KIRREL3: variants seen among roughly 807,000 people sequenced by gnomAD.
KIRREL3 encodes kirre like nephrin family adhesion molecule 3.
A neutral mutation model predicts 89.7 loss-of-function variants in KIRREL3; 36 were observed. That is an observed-to-expected ratio of 0.40 (90% CI 0.31 to 0.53). The LOEUF is 0.53. Among genes scored for constraint, KIRREL3 ranks in the 20% least tolerant of loss-of-function variants. The pLI is 0.49. For missense variants in KIRREL3, 864 were observed against 1,056.6 expected (o/e 0.82, Z 2.53); for synonymous variants, 445 against 441.4 (o/e 1.01, Z -0.10).
rs1950844299 is a variant in KIRREL3 at position 126,797,325 on chromosome 11, C to T, written c.55+203130G>A. ...CATTGTTTCAAAGAGCTGTGTTGAG[C>T]ATCAAATGCATCTGATTCTCAGCGT... On this transcript the variant is annotated intron_variant, in intron 1 of 16. Coordinates refer to ENST00000525144, the MANE Select transcript of KIRREL3 (RefSeq NM_032531.4). This position sits in a 1 kb window ranked among gnomAD's most constrained non-coding sequence, Gnocchi z 4.9. Among the ~76,000 whole-genome samples, 1 of 152,208 alleles carries T rather than the reference C, an allele frequency of 6.6e-6. No individual in the cohort carries two copies. The highest frequency in any genetic ancestry group is 1.5e-5 in the Non-Finnish European group (1 of 68,036).
intron 1 of KIRREL3, among the ~76,000 whole-genome samples, chr11:126,927,108 C>A (rs1160898169): frequency 6.6e-6 from 1 of 152,206 alleles, no homozygotes; most frequent in East Asian, 1.9e-4. Flanking sequence ...CCAAATTAGC[C>A]TCTGGAATCA....
At chr11:126,842,844 C>A (rs916033706) in intron 1 of KIRREL3, among the ~76,000 whole-genome samples, 3 of 152,196 alleles carry the variant, frequency 2.0e-5, no homozygotes, top group Non-Finnish European at 4.4e-5. Context: ...GAACACTGGG[C>A]CGACCATGAG....
chr11:126,772,970 A>T lies in KIRREL3; in HGVS notation c.56-210058T>A, dbSNP rs966104003. 2.6e-5 allele frequency among the ~76,000 whole-genome samples: 4 copies of T among 152,192 alleles called. No homozygotes were observed. The highest frequency in any genetic ancestry group is 9.7e-5 in the African/African-American group (4 of 41,440). On this transcript the variant is annotated intron_variant, in intron 1 of 16. Transcript: ENST00000525144. This position sits in a 1 kb window ranked among gnomAD's most constrained non-coding sequence, Gnocchi z 4.6. ...CATGTGGACTAAGGTAGGGGTGAGC[A>T]AGCTATGGAAACATTTAGTGACATC...
chr11:126,978,583 G>A lies in KIRREL3; in HGVS notation c.55+21872C>T, dbSNP rs568181286. Among the ~76,000 whole-genome samples, 10 of 152,226 alleles carry A rather than the reference G, an allele frequency of 6.6e-5. No homozygotes were observed. Among genetic ancestry groups the A allele is most frequent in the African/African-American group, 2.2e-4 (9 of 41,554 alleles). On this transcript the variant is annotated intron_variant, in intron 1 of 16. Transcript: ENST00000525144. The surrounding 1 kb of genome is among the most constrained non-coding windows in gnomAD (Gnocchi z 4.2). Reference sequence around the variant, plus strand: ...ACTGATGCTCCTTGGTTCTGGCCACGCCCAGCTCCGTGTGGGTCCCTGAGT... The same window carrying A: ...ACTGATGCTCCTTGGTTCTGGCCACACCCAGCTCCGTGTGGGTCCCTGAGT...
chr11:126,600,921 G>A (rs1955486807), intron 1 of KIRREL3, among the ~76,000 whole-genome samples: 1 of 152,070 alleles, frequency 6.6e-6, no homozygotes, highest in African/African-American at 2.4e-5. Flanking sequence ...CCATATCAGA[G>A]CATTCTATTT....
chr11:126,964,451 T>A (rs527336515), intron 1 of KIRREL3, among the ~76,000 whole-genome samples: 1 of 152,294 alleles, frequency 6.6e-6, no homozygotes, highest in South Asian at 2.1e-4. Flanking sequence ...GTTTGCCTAG[T>A]CTGCACTTTA....
At chr11:126,894,692 T>C (rs923174782) in intron 1 of KIRREL3, among the ~76,000 whole-genome samples, 4 of 151,570 alleles carry the variant, frequency 2.6e-5, no homozygotes, top group African/African-American at 9.7e-5. Context: ...AAGGCTTCAG[T>C]GAGCCATGAT....
rs1947942192 is a variant in KIRREL3, at chr11:126,931,365, C to T, written c.55+69090G>A. Reference sequence around the variant, plus strand: ...CCCTCCCTCCATACATTCCTTCTTTCCTTCCTTCCTCCCTACCCCACCCTA... The same window carrying T: ...CCCTCCCTCCATACATTCCTTCTTTTCTTCCTTCCTCCCTACCCCACCCTA... On this transcript the variant is annotated intron_variant, in intron 1 of 16. Transcript: ENST00000525144. This position sits in a 1 kb window ranked among gnomAD's most constrained non-coding sequence, Gnocchi z 5.1. Among the ~76,000 whole-genome samples, 1 of 152,176 alleles carries T rather than the reference C, an allele frequency of 6.6e-6. No homozygotes were observed. Among genetic ancestry groups the T allele is most frequent in the Non-Finnish European group, 1.5e-5 (1 of 68,034 alleles).
intron 1 of KIRREL3, among the ~76,000 whole-genome samples, chr11:126,967,504 T>C (rs1949305131): frequency 1.3e-5 from 2 of 152,034 alleles, no homozygotes; most frequent in Admixed American, 1.3e-4. Context: ...CAGGTGCCCT[T>C]TTCTATATTT....
In KIRREL3 at chr11:126,520,549, C is replaced by T. The variant is rs138598071; in HGVS notation, c.433+766G>A. 3.3e-5 allele frequency among the ~76,000 whole-genome samples: 5 copies of T among 152,238 alleles called. No homozygotes were observed. In the East Asian group the frequency reaches 9.7e-4, roughly 30 times the overall value. Reference sequence around the variant, plus strand: ...AGCTCTCATGACTTATGTGCAAGGCCTGGTTCTCAGCAGCCTTGATCCTCG... The same window carrying T: ...AGCTCTCATGACTTATGTGCAAGGCTTGGTTCTCAGCAGCCTTGATCCTCG... On this transcript the variant is annotated intron_variant, in intron 4 of 16. Transcript: ENST00000525144. The surrounding 1 kb of genome is among the most constrained non-coding windows in gnomAD (Gnocchi z 4.9).
At chr11:126,638,365 C>A (rs1418704798) in intron 1 of KIRREL3, among the ~76,000 whole-genome samples, 1 of 152,212 alleles carries the variant, frequency 6.6e-6, no homozygotes, top group African/African-American at 2.4e-5. Flanking sequence ...TGTCTGTCCT[C>A]TGGCTGCAAC....
In KIRREL3 at chr11:126,578,956, T is replaced by G. The variant is rs1360027225; in HGVS notation, c.56-16044A>C. On this transcript the variant is annotated intron_variant, in intron 1 of 16. Coordinates refer to ENST00000525144, the MANE Select transcript of KIRREL3 (RefSeq NM_032531.4). The surrounding 1 kb of genome is among the most constrained non-coding windows in gnomAD (Gnocchi z 4.9). ...GCCTAGAGATGGGACTTTGTCTCCATGTGACTTATGAAGACACTGAGGACC... is the reference window on the plus strand; with the variant it reads ...GCCTAGAGATGGGACTTTGTCTCCAGGTGACTTATGAAGACACTGAGGACC... Among the ~76,000 whole-genome samples the G allele has an allele frequency of 6.6e-6, 1 of 152,188 alleles. No individual in the cohort carries two copies. Among genetic ancestry groups the G allele is most frequent in the African/African-American group, 2.4e-5 (1 of 41,446 alleles).
chr11:126,828,179 G>T lies in KIRREL3; in HGVS notation c.55+172276C>A, dbSNP rs561167784. ...ATTCATCCGATTCTTCATCACCCATGCTGTTTATTACTCAGTTTACTGAGT... is the reference window on the plus strand; with the variant it reads ...ATTCATCCGATTCTTCATCACCCATTCTGTTTATTACTCAGTTTACTGAGT... On this transcript the variant is annotated intron_variant, in intron 1 of 16. Transcript: ENST00000525144. Among the ~76,000 whole-genome samples, 5 of 152,318 alleles carry T rather than the reference G, an allele frequency of 3.3e-5. No individual in the cohort carries two copies. In the South Asian group the frequency reaches 1.0e-3, roughly 32 times the overall value.
In KIRREL3 at chr11:126,946,089, C is replaced by G. The variant is rs1363129322; in HGVS notation, c.55+54366G>C. Among the ~76,000 whole-genome samples, 3 of 152,120 alleles carry G rather than the reference C, an allele frequency of 2.0e-5. No individual in the cohort carries two copies. Among genetic ancestry groups the G allele is most frequent in the Non-Finnish European group, 4.4e-5 (3 of 68,024 alleles). Reference sequence around the variant, plus strand: ...TTAGAAATTCAGGTAGTCACAAATCCTGACCAGAATGGCTGAGATTTCTGA... The same window carrying G: ...TTAGAAATTCAGGTAGTCACAAATCGTGACCAGAATGGCTGAGATTTCTGA... On this transcript the variant is annotated intron_variant, in intron 1 of 16. Transcript: ENST00000525144. The surrounding 1 kb of genome is among the most constrained non-coding windows in gnomAD (Gnocchi z 4.1).
At position 126,515,185 on chromosome 11, in the gene KIRREL3, G is replaced by A. The variant is rs1206951068; in HGVS notation, c.433+6130C>T. ...GCCTGTAATCTCAGCATTTTAGGAG[G>A]CTGAGTTGGGTGGATCCCTTGAGCC... is the stretch of plus-strand genomic sequence containing the variant. On this transcript the variant is annotated intron_variant, in intron 4 of 16. Coordinates refer to ENST00000525144, the MANE Select transcript of KIRREL3 (RefSeq NM_032531.4). This position sits in a 1 kb window ranked among gnomAD's most constrained non-coding sequence, Gnocchi z 4.2. Among the ~76,000 whole-genome samples the A allele has an allele frequency of 6.6e-6, 1 of 152,208 alleles. No individual in the cohort carries two copies. Among genetic ancestry groups the A allele is most frequent in the East Asian group, 1.9e-4 (1 of 5,200 alleles).
rs1286027576 is a variant in KIRREL3, at chr11:126,685,820, C to T, written c.56-122908G>A. 6.6e-6 allele frequency among the ~76,000 whole-genome samples: 1 copy of T among 152,240 alleles called. No individual in the cohort carries two copies. Among genetic ancestry groups the T allele is most frequent in the Non-Finnish European group, 1.5e-5 (1 of 68,030 alleles). ...TCAGTGATGTTTGCCAGAGTGGCTC[C>T]ACGCCCCTTGGGGGCAGATGGCCGA... is the stretch of plus-strand genomic sequence containing the variant. On this transcript the variant is annotated intron_variant, in intron 1 of 16. Transcript: ENST00000525144. This position sits in a 1 kb window ranked among gnomAD's most constrained non-coding sequence, Gnocchi z 5.5.
intron 1 of KIRREL3, among the ~76,000 whole-genome samples, chr11:126,678,327 G>A (rs1040253836): frequency 3.3e-5 from 5 of 152,150 alleles, no homozygotes; most frequent in African/African-American, 1.2e-4. Context: ...GGGGTCAGGC[G>A]TGGTGGCTCA....
At position 126,424,682 on chromosome 11, in the gene KIRREL3, C is replaced by T; in HGVS notation, c.2235G>A (p.Lys745=). 1.2e-6 allele frequency: 2 copies of T among 1,614,036 alleles called. No individual in the cohort carries two copies. The highest frequency in any genetic ancestry group is 1.7e-6 in the Non-Finnish European group (2 of 1,179,888). The change falls in exon 17 of 17, where the codon AAG becomes AAA. Residue 745 remains lysine, a synonymous_variant. Transcript: ENST00000525144. ...AGGAGGAAGCAGAAGCCTTGCTGGC[C>T]TTGTCGAACTGCACATAGCCATCCT... The part of the protein sequence containing the change: ...GKQDGYVQFD[K]ASKASASSSH...
In KIRREL3 at chr11:126,883,148, A is replaced by T. The variant is rs1456944447; in HGVS notation, c.55+117307T>A. Among the ~76,000 whole-genome samples, 1 of 152,196 alleles carries T rather than the reference A, an allele frequency of 6.6e-6. No homozygotes were observed. The highest frequency in any genetic ancestry group is 1.5e-5 in the Non-Finnish European group (1 of 68,034). ...GCCTTTCTCTTCTGAAAATTAATTG[A>T]GTCAGATACTGAATCTGGAGCCTAA... On this transcript the variant is annotated intron_variant, in intron 1 of 16. Coordinates refer to ENST00000525144, the MANE Select transcript of KIRREL3 (RefSeq NM_032531.4). This position sits in a 1 kb window ranked among gnomAD's most constrained non-coding sequence, Gnocchi z 4.1.
Sources: gnomAD v4.1 joint callset for allele counts (sites outside exome capture counted in the v4.1 genomes callset) on GRCh38, gnomAD v4.1.1 for gene constraint, Gnocchi (gnomAD v3.1) non-coding constraint, MANE v1.5 for transcripts, NCBI Gene and HGNC (gene_info 2026-07-23, HGNC 2026-07-21) for gene names.